The following ZNF185 variants were observed in gnomAD, a reference collection of about 807,000 sequenced individuals.
ZNF185 encodes zinc finger protein 185.
ZNF185 carries 56 observed loss-of-function variants against 58.6 expected under a neutral mutation model. The ratio of observed to expected loss-of-function variants is 0.95; its 90% CI spans 0.77 to 1.19. ZNF185 has a LOEUF of 1.19. Ranked by LOEUF, ZNF185 falls within the 50% of genes most tolerant of loss-of-function variation. The pLI is 0.00. For missense variants in ZNF185, 627 were observed against 573.5 expected, an observed-to-expected ratio of 1.09 and a Z score of -0.95; for synonymous variants, 230 against 215.9, an observed-to-expected ratio of 1.07 and a Z score of -0.57.
chrX:152,961,628 G>T (rs1471454109), intron 17 of ZNF185, among the ~76,000 whole-genome samples: 1 of 112,319 alleles, frequency 8.9e-6, no homozygotes, highest in African/African-American at 3.2e-5. Flanking sequence ...CATGTACACA[G>T]TGAACACGAT....
intron 11 of ZNF185, among the ~76,000 whole-genome samples, chrX:152,925,419 C>A (rs1037618059): frequency 1.1e-4 from 12 of 112,580 alleles, no homozygotes; most frequent in African/African-American, 3.9e-4. Flanking sequence ...TGTTTAATCC[C>A]CATCATATGG....
chrX:152,971,707 G>A (rs2126015244), exon 23 of ZNF185: 1 of 112,393 alleles, frequency 8.9e-6, no homozygotes, highest in Admixed American at 9.4e-5. Context: ...GACATCAAAT[G>A]CTAGGGATTG....
At chrX:152,916,661 C>G (rs1556865937) in intron 3 of ZNF185, among the ~76,000 whole-genome samples, 2 of 112,565 alleles carry the variant, frequency 1.8e-5, no homozygotes, top group Non-Finnish European at 3.8e-5. Context: ...CCTTCAAGCC[C>G]TCATGCACCT....
At chrX:152,936,453 A>G in intron 14 of ZNF185, 1 of 1,166,473 alleles carries the variant, frequency 8.6e-7, no homozygotes, top group South Asian at 1.9e-5. Context: ...TCTTTCCTGG[A>G]AGACCAGGAT....
At chrX:152,924,810 G>A (rs782316203) in intron 11 of ZNF185, among the ~76,000 whole-genome samples, 30 of 111,859 alleles carry the variant, frequency 2.7e-4, no homozygotes, top group African/African-American at 9.7e-4. Context: ...TCAGCCTCCC[G>A]AGTAGCTGGG....
chrX:152,918,120 G>T (rs1938897811), exon 6 of ZNF185: 1 of 1,196,639 alleles, frequency 8.4e-7, no homozygotes, highest in Non-Finnish European at 1.1e-6. Context: ...CTCCTCCTCT[G>T]GCTACAAGAT....
chrX:152,926,803 A>G (rs144139270), intron 11 of ZNF185, among the ~76,000 whole-genome samples: 1 of 112,461 alleles, frequency 8.9e-6, no homozygotes, highest in East Asian at 2.8e-4. Context: ...GCTTAAAACC[A>G]CACGCATTTA....
chrX:152,918,947 A>G lies in ZNF185; in HGVS notation c.432-36A>G, dbSNP rs200965937. ...AGGAAGCCAAGCTGCTGAGGGTGGC[A>G]GCCTATGACAGGAAAGCGCCTCTCC... On this transcript the variant is annotated intron_variant, in intron 6 of 22. Coordinates refer to ENST00000449285, the Ensembl canonical transcript of ZNF185. 3.8e-4 allele frequency: 416 copies of G among 1,094,736 alleles called. 1 individual carries two copies. The highest frequency in any genetic ancestry group is 4.3e-4 in the Non-Finnish European group (346 of 795,845). 90.2% of individuals were successfully genotyped at this position (1,094,736 alleles called of 1,213,427 possible).
chrX:152,935,238 CTT>C (rs61588750), intron 14 of ZNF185, among the ~76,000 whole-genome samples: 5 of 97,206 alleles, frequency 5.1e-5, no homozygotes, highest in Middle Eastern at 5.0e-3. Flanking sequence ...ATTGTTTTTC[CTT>C]TTTTTTTTTT....
At chrX:152,940,569 A>G (rs956167207) in intron 15 of ZNF185, among the ~76,000 whole-genome samples, 9 of 111,429 alleles carry the variant, frequency 8.1e-5, no homozygotes, top group Non-Finnish European at 1.3e-4. Flanking sequence ...TGTGGAGACC[A>G]GAGTTCTTAT....
intron 15 of ZNF185, chrX:152,941,789 G>A: frequency 8.6e-7 from 1 of 1,164,098 alleles, no homozygotes; most frequent in Non-Finnish European, 1.1e-6. Context: ...GTCGCCCGAG[G>A]ATCACGAATG....
At position 152,967,193 on chromosome X, in the gene ZNF185, C is replaced by T. The variant is rs1569517992; in HGVS notation, c.1826C>T (p.Ala609Val). ...GTCAGCAGCATTGAGGACTCATTCG[C>T]CATGGAGAAGAAGCCTCCATGTGGC... Residue 609 changes from alanine (A) to valine (V), a missense_variant, in exon 20 of 23, where the codon GCC (alanine) becomes GTC (valine). Physicochemically the swap from Ala to Val is moderately conservative, Grantham distance 64. Transcript: ENST00000449285. 1 of 1,211,503 alleles carries T rather than the reference C, an allele frequency of 8.3e-7. No homozygotes were observed. The highest frequency in any genetic ancestry group is 1.1e-6 in the Non-Finnish European group (1 of 895,336).
chrX:152,968,952 T>G (rs1003050710), intron 20 of ZNF185, among the ~76,000 whole-genome samples: 3 of 111,405 alleles, frequency 2.7e-5, no homozygotes, highest in Non-Finnish European at 5.7e-5. Flanking sequence ...AGAGCTCAGT[T>G]GGCCCAGGCG....
chrX:152,909,739 G>A (rs1010938365), upstream of ZNF185, among the ~76,000 whole-genome samples: 5 of 112,238 alleles, frequency 4.5e-5, no homozygotes, highest in Admixed American at 3.7e-4. Flanking sequence ...GCAGCACTGC[G>A]TGGCCCAAAG....
At chrX:152,927,614 C>T (rs1452818620) in intron 11 of ZNF185, among the ~76,000 whole-genome samples, 1 of 112,125 alleles carries the variant, frequency 8.9e-6, no homozygotes, top group African/African-American at 3.2e-5. Flanking sequence ...CTACCTCCTC[C>T]TCCTCCCCCG....
the ZNF185 span, among the ~76,000 whole-genome samples, chrX:152,906,219 C>G: frequency 1.8e-5 from 2 of 112,516 alleles, no homozygotes; most frequent in African/African-American, 6.5e-5. Flanking sequence ...TCAGCACTGC[C>G]TGGGTCCGCC....
chrX:152,914,732 G>C, exon 2 of ZNF185: 1 of 1,199,242 alleles, frequency 8.3e-7, no homozygotes, highest in Non-Finnish European at 1.1e-6. Flanking sequence ...CACCAGGCGA[G>C]GAGGAGCGCA....
intron 15 of ZNF185, among the ~76,000 whole-genome samples, chrX:152,944,592 G>A (rs1160494922): frequency 8.9e-6 from 1 of 112,024 alleles, no homozygotes. Context: ...ACCCAGATTG[G>A]AGGGTGCAGT....
chrX:152,919,323 G>A (rs1939212278), intron 7 of ZNF185, among the ~76,000 whole-genome samples: 1 of 87,140 alleles, frequency 1.1e-5, no homozygotes, highest in Non-Finnish European at 2.4e-5. Context: ...GGTAATGTGG[G>A]TCCGGGGAAA....
Sources: allele counts gnomAD v4.1 joint callset (sites outside exome capture counted in the v4.1 genomes callset), GRCh38; gene constraint gnomAD v4.1.1; transcripts MANE v1.5; gene names NCBI Gene and HGNC (gene_info 2026-07-23, HGNC 2026-07-21).